Variants in WDR70 observed in about 807,000 individuals in gnomAD.
WDR70 encodes the protein WD repeat domain 70, also known as WD repeat-containing protein 70.
WDR70 carries 53 observed loss-of-function variants against 88.6 expected under a neutral mutation model. The observed-to-expected ratio is 0.60, with a 90% CI of 0.48 to 0.75. The LOEUF (loss-of-function observed/expected upper bound fraction) is 0.75, where lower values mean the gene tolerates loss of function less well. Ranked by LOEUF, WDR70 falls within the 30% of genes least tolerant of loss-of-function variation. The pLI is 0.00. For synonymous variants in WDR70, 280 were observed against 270.0 expected (o/e 1.04, Z -0.36); for missense variants, 610 against 823.2 (o/e 0.74, Z 3.17).
chr5:37,665,359 C>A (rs1745805514), intron 10 of WDR70, among the ~76,000 whole-genome samples: 1 of 152,190 alleles, frequency 6.6e-6, no homozygotes, highest in Non-Finnish European at 1.5e-5. Context: ...GTACCTGCAG[C>A]TGATAACACT....
intron 9 of WDR70, among the ~76,000 whole-genome samples, chr5:37,588,667 C>T (rs763486645): frequency 6.6e-6 from 1 of 152,128 alleles, no homozygotes; most frequent in African/African-American, 2.4e-5. Context: ...GTCTTGAACT[C>T]CTGGGCTCAA....
At chr5:37,621,156 A>G (rs1744494880) in intron 10 of WDR70, among the ~76,000 whole-genome samples, 1 of 152,138 alleles carries the variant, frequency 6.6e-6, no homozygotes, top group Non-Finnish European at 1.5e-5. Context: ...AATCTCATCT[A>G]TACCAATCCA....
chr5:37,450,775 A>G (rs1433965944), intron 7 of WDR70, among the ~76,000 whole-genome samples: 1 of 152,154 alleles, frequency 6.6e-6, no homozygotes, highest in Non-Finnish European at 1.5e-5. Context: ...AGGGCCAGGT[A>G]GCATTTTAGG....
In WDR70 at chr5:37,379,402, A is replaced by G. The variant is rs751909772; in HGVS notation, c.25+10A>G. 5 of 1,613,596 alleles carry G rather than the reference A, an allele frequency of 3.1e-6. No homozygotes were observed. In the East Asian group the frequency reaches 6.7e-5, roughly 22 times the overall value. On this transcript the variant is annotated intron_variant, in intron 1 of 17. Transcript: ENST00000265107. ...TCTGGGCCCAGCGAAGGTGGGTTTC[A>G]TGAGGCGAGTCCGGGCGGGGTGGGC...
At chr5:37,639,285 T>G (rs1745046895) in intron 10 of WDR70, among the ~76,000 whole-genome samples, 1 of 152,192 alleles carries the variant, frequency 6.6e-6, no homozygotes, top group African/African-American at 2.4e-5. Context: ...TCTTTCCTGG[T>G]GGATATGGAA....
At chr5:37,731,215 A>G (rs998612746) in intron 17 of WDR70, among the ~76,000 whole-genome samples, 1 of 152,182 alleles carries the variant, frequency 6.6e-6, no homozygotes, top group African/African-American at 2.4e-5. Flanking sequence ...TTTTAGAGGT[A>G]GGTGCTCCTG....
At chr5:37,695,295 C>T (rs569273516) in intron 10 of WDR70, among the ~76,000 whole-genome samples, 1 of 152,280 alleles carries the variant, frequency 6.6e-6, no homozygotes, top group African/African-American at 2.4e-5. Flanking sequence ...TCACCTCCCA[C>T]CAAGTCCCAC....
chr5:37,480,101 A>AT (rs1296465547), intron 8 of WDR70, 114 bp downstream of exon 8: 2 of 1,289,976 alleles, frequency 1.6e-6, no homozygotes, highest in Non-Finnish European at 2.1e-6. Flanking sequence ...AACAATAGCA[A>AT]TTTATTTGTT....
intron 5 of WDR70, among the ~76,000 whole-genome samples, chr5:37,436,348 A>G (rs1199492632): frequency 6.6e-6 from 1 of 152,196 alleles, no homozygotes; most frequent in African/African-American, 2.4e-5. Flanking sequence ...TTTGCAAATG[A>G]AACTGAGAGT....
chr5:37,640,222 A>C (rs2112540474), intron 10 of WDR70, among the ~76,000 whole-genome samples: 1 of 152,306 alleles, frequency 6.6e-6, no homozygotes, highest in African/African-American at 2.4e-5. Flanking sequence ...TGTCTTTATT[A>C]AGAGCAAAAA....
At chr5:37,542,938 A>G (rs1270137100) in intron 9 of WDR70, among the ~76,000 whole-genome samples, 4 of 152,174 alleles carry the variant, frequency 2.6e-5, no homozygotes, top group Non-Finnish European at 4.4e-5. Context: ...TCACCCCACG[A>G]ATCTGAGCTT....
At chr5:37,492,016 C>T (rs1390890316) in intron 8 of WDR70, among the ~76,000 whole-genome samples, 4 of 152,166 alleles carry the variant, frequency 2.6e-5, no homozygotes, top group African/African-American at 9.7e-5. Flanking sequence ...TCATCTTATA[C>T]TTTCCCTAAT....
At chr5:37,563,446 T>TCCC (rs1742601437) in intron 9 of WDR70, among the ~76,000 whole-genome samples, 1 of 19,572 alleles carries the variant, frequency 5.1e-5, no homozygotes, top group East Asian at 1.4e-3. Context: ...CCCCACATCC[T>TCCC]TCCCGGACGG....
intron 11 of WDR70, 187 bp downstream of exon 11, chr5:37,697,941 A>C (rs1747031297): frequency 2.0e-6 from 1 of 501,238 alleles, no homozygotes; most frequent in Non-Finnish European, 3.5e-6. Context: ...AAAAATTACC[A>C]AGTAAAATGT....
chr5:37,482,853 A>G (rs915118219), intron 8 of WDR70, among the ~76,000 whole-genome samples: 5 of 152,046 alleles, frequency 3.3e-5, no homozygotes, highest in African/African-American at 1.2e-4. Flanking sequence ...GAAACATTCT[A>G]CTTAGCTAAT....
intron 7 of WDR70, among the ~76,000 whole-genome samples, chr5:37,454,262 T>A (rs760108680): frequency 2.5e-4 from 38 of 152,186 alleles, no homozygotes; most frequent in Non-Finnish European, 4.3e-4. Context: ...AATCACTGGC[T>A]CTGCACTGTA....
intron 10 of WDR70, among the ~76,000 whole-genome samples, chr5:37,643,695 A>G (rs1274515803): frequency 2.0e-5 from 3 of 147,846 alleles, no homozygotes; most frequent in South Asian, 2.3e-4. Flanking sequence ...CATTAGAGGA[A>G]TCTTTCACTT....
At chr5:37,672,766 C>T (rs769022364) in intron 10 of WDR70, among the ~76,000 whole-genome samples, 2 of 152,044 alleles carry the variant, frequency 1.3e-5, no homozygotes, top group East Asian at 1.9e-4. Flanking sequence ...ATATGCTGAG[C>T]GCTGGTCTCC....
intron 7 of WDR70, among the ~76,000 whole-genome samples, chr5:37,469,781 C>T (rs540539021): frequency 6.6e-6 from 1 of 152,134 alleles, no homozygotes; most frequent in Non-Finnish European, 1.5e-5. Flanking sequence ...TCTGTGTGAC[C>T]CCATTTGACC....
Sources: gnomAD v4.1 joint callset for allele counts (sites outside exome capture counted in the v4.1 genomes callset) on GRCh38, gnomAD v4.1.1 for gene constraint, MANE v1.5 for transcripts, NCBI Gene and HGNC (gene_info 2026-07-23, HGNC 2026-07-21) for gene names.